The following FBF1 variants were observed in gnomAD, a reference collection of about 807,000 sequenced individuals.
The protein encoded by FBF1 is Fas binding factor 1, also known as fas-binding factor 1.
In FBF1, 119 loss-of-function variants were observed where a neutral mutation model predicts 147.2. The ratio of observed to expected loss-of-function variants is 0.81; its 90% CI spans 0.70 to 0.94. The LOEUF (loss-of-function observed/expected upper bound fraction) is 0.94. FBF1 is among the 40% of genes least tolerant of loss of function. The pLI is 0.00. For synonymous variants in FBF1, 601 were observed against 609.0 expected (o/e 0.99, Z 0.19); for missense variants, 1,449 against 1,500.8 (o/e 0.97, Z 0.57).
At chr17:75,929,964 C>CCCAAAAA in intron 7 of FBF1, 33 bp downstream of exon 7, 1 of 1,402,202 alleles carries the variant, frequency 7.1e-7, no homozygotes, top group Non-Finnish European at 9.9e-7. Flanking sequence ...CACCCACCCC[C>CCCAAAAA]AGTTCTAAGA....
In FBF1 at chr17:75,910,572, G is replaced by T. The variant is rs2065450913; in HGVS notation, c.*151C>A. 1 of 664,582 alleles carries T rather than the reference G, an allele frequency of 1.5e-6. No individual in the cohort carries two copies. Among genetic ancestry groups the T allele is most frequent in the Non-Finnish European group, 2.6e-6 (1 of 390,306 alleles). 41.2% of individuals were successfully genotyped at this position (664,582 alleles called of 1,614,324 possible). ...TGCCCCGGGCTGGCACATTTGGAAA[G>T]GATGCACTTGCACCCTGTCCACGGA... On this transcript the variant is annotated 3_prime_UTR_variant, in exon 30 of 30. Transcript: ENST00000636174. This position sits in a 1 kb window ranked among gnomAD's most constrained non-coding sequence, Gnocchi z 4.1.
Position 75,918,500 on chromosome 17 carries a change from G to A in FBF1, c.2139-231C>T, listed in dbSNP as rs2065503239. ...TTCAGCTTTTCTTTTTTTGGAGATG[G>A]AGTTTTGCTCTGTCACCCAGAGTCT... is the stretch of plus-strand genomic sequence containing the variant. On this transcript the variant is annotated intron_variant, in intron 20 of 29. Coordinates refer to ENST00000636174, the MANE Select transcript of FBF1 (RefSeq NM_001319193.2). The surrounding 1 kb of genome is among the most constrained non-coding windows in gnomAD (Gnocchi z 5.8). Among the ~76,000 whole-genome samples, 2 of 152,104 alleles carry A rather than the reference G, an allele frequency of 1.3e-5. No homozygotes were observed. Among genetic ancestry groups the A allele is most frequent in the African/African-American group, 4.8e-5 (2 of 41,414 alleles).
At position 75,927,135 on chromosome 17, in the gene FBF1, C is replaced by T. The variant is rs139723354; in HGVS notation, c.476-258G>A. The stretch of plus-strand genomic sequence containing the variant: ...CTTGCCGGTGGGGCCTCTGACTCTG[C>T]AGGCTGCATGGCCTTCTGGAAATGT... On this transcript the variant is annotated intron_variant, in intron 9 of 29. Coordinates refer to ENST00000636174, the MANE Select transcript of FBF1 (RefSeq NM_001319193.2). Among the ~76,000 whole-genome samples, 315 of 152,332 alleles carry T rather than the reference C, an allele frequency of 2.1e-3. 5 individuals carry two copies. Among genetic ancestry groups the T allele is most frequent in the African/African-American group, 7.2e-3 (299 of 41,592 alleles).
At chr17:75,912,376 C>T (rs1168559159) in intron 28 of FBF1, 69 bp from the exon 29 acceptor site, 10 of 1,210,656 alleles carry the variant, frequency 8.3e-6, no homozygotes, top group Non-Finnish European at 1.1e-5. Flanking sequence ...ACAGCTTGTT[C>T]CTGCAGAGCT....
At chr17:75,920,844 G>C (rs1029858929) in intron 17 of FBF1, among the ~76,000 whole-genome samples, 5 of 138,404 alleles carry the variant, frequency 3.6e-5, no homozygotes, top group East Asian at 4.1e-4. Flanking sequence ...GGGGGGGGGG[G>C]CACACCTCCC....
At position 75,928,076 on chromosome 17, in the gene FBF1, C is replaced by T; in HGVS notation, c.397G>A (p.Gly133Arg). 5.6e-6 allele frequency: 9 copies of T among 1,613,130 alleles called. No individual in the cohort carries two copies. The highest frequency in any genetic ancestry group is 7.6e-6 in the Non-Finnish European group (9 of 1,179,720). ...CCTTTCTCACTGGCTACTGACCCAC[C>T]TGCAGGCTTGGGGTGGTTGGGCAGC... is the stretch of plus-strand genomic sequence containing the variant. Reference protein sequence around the residue: ...GELPNHPKPAGGAIPTKKSLP... With the variant: ...GELPNHPKPARGAIPTKKSLP... The change falls in exon 8 of 30, where the codon GGG becomes AGG. Residue 133 changes from glycine (G) to arginine (R), a missense_variant and splice_region_variant. Physicochemically the swap from Gly to Arg is moderately radical, Grantham distance 125. Coordinates refer to ENST00000636174, the MANE Select transcript of FBF1 (RefSeq NM_001319193.2). This position sits in a 1 kb window ranked among gnomAD's most constrained non-coding sequence, Gnocchi z 4.2.
intron 4 of FBF1, among the ~76,000 whole-genome samples, chr17:75,934,032 C>T (rs949451449): frequency 6.6e-6 from 1 of 152,140 alleles, no homozygotes; most frequent in Non-Finnish European, 1.5e-5. Context: ...ACCATATGGT[C>T]CAGGAATTCC....
At position 75,913,829 on chromosome 17, in the gene FBF1, T is replaced by C. The variant is rs1258940024; in HGVS notation, c.3130-10A>G. 1.9e-6 allele frequency: 3 copies of C among 1,593,982 alleles called. No individual in the cohort carries two copies. The highest frequency in any genetic ancestry group is 2.7e-5 in the African/African-American group (2 of 74,640). Reference sequence around the variant, plus strand: ...CCAGACTCAGATGCTCCTGTCCCCGTTCCCCCAGAAAGAAGGACTCAGCTG... The same window carrying C: ...CCAGACTCAGATGCTCCTGTCCCCGCTCCCCCAGAAAGAAGGACTCAGCTG... On this transcript the variant is annotated splice_polypyrimidine_tract_variant and intron_variant, in intron 27 of 29. Coordinates refer to ENST00000636174, the MANE Select transcript of FBF1 (RefSeq NM_001319193.2).
intron 29 of FBF1, 141 bp downstream of exon 29, chr17:75,912,051 G>T: frequency 2.7e-6 from 2 of 746,632 alleles, no homozygotes; most frequent in Non-Finnish European, 4.5e-6. Flanking sequence ...TCTGAGCATT[G>T]GCTCACTAAG....
chr17:75,937,714 C>T lies in FBF1; in HGVS notation c.4-121G>A, dbSNP rs1033135209. 6 of 996,700 alleles carry T rather than the reference C, an allele frequency of 6.0e-6. No homozygotes were observed. The South Asian group carries it at 8.0e-5, about 13-fold the overall frequency. 61.7% of individuals were successfully genotyped at this position (996,700 alleles called of 1,614,324 possible). A position where few individuals can be genotyped will look rare whatever the true frequency, so the allele number is the denominator to read the frequency against. On this transcript the variant is annotated intron_variant, in intron 2 of 29. Coordinates refer to ENST00000636174, the MANE Select transcript of FBF1 (RefSeq NM_001319193.2). ...TAACCAGAGGCAAGAGCACCAATGGCATTTAGAGATGTAAGTCCTTTATGT... is the reference window on the plus strand; with the variant it reads ...TAACCAGAGGCAAGAGCACCAATGGTATTTAGAGATGTAAGTCCTTTATGT...
chr17:75,930,138 A>G, intron 6 of FBF1, 91 bp from the exon 7 acceptor site: 2 of 1,005,486 alleles, frequency 2.0e-6, no homozygotes, highest in East Asian at 2.6e-5. Context: ...TGCTTCTGTT[A>G]GGGCAGACGG....
rs2065573702 is a variant in FBF1, at chr17:75,928,160, G to C, written c.313C>G (p.Leu105Val). The part of the protein sequence containing the change: ...LDGMDADILG[L>V]KKSNSAPSKK... ...CTAGGGGCTGAATTAGATTTCTTCA[G>C]ACCTAAGATATCAGCATCCATGCCG... The change falls in exon 8 of 30, where the codon CTG becomes GTG. Residue 105 changes from leucine (L) to valine (V), a missense_variant. By Grantham distance (32) the Leu-to-Val change is conservative. Transcript: ENST00000636174. The surrounding 1 kb of genome is among the most constrained non-coding windows in gnomAD (Gnocchi z 4.2). The C allele has an allele frequency of 1.2e-6, 2 of 1,613,846 alleles. No individual in the cohort carries two copies. The highest frequency in any genetic ancestry group is 2.2e-5 in the South Asian group (2 of 91,084).
At position 75,918,707 on chromosome 17, in the gene FBF1, GTC is replaced by G. The variant is rs2065504738; in HGVS notation, c.2139-440_2139-439del. On this transcript the variant is annotated intron_variant, in intron 20 of 29. Coordinates refer to ENST00000636174, the MANE Select transcript of FBF1 (RefSeq NM_001319193.2). The surrounding 1 kb of genome is among the most constrained non-coding windows in gnomAD (Gnocchi z 5.8). ...GGTTTCCACCGTGTTGCCCAGGCTG[GTC>G]TCGAACTTCTGAGCTCAGGCAATCT... Among the ~76,000 whole-genome samples, 1 of 151,988 alleles carries G rather than the reference GTC, an allele frequency of 6.6e-6. No individual in the cohort carries two copies. The highest frequency in any genetic ancestry group is 2.1e-4 in the South Asian group (1 of 4,814).
intron 11 of FBF1, 60 bp from the exon 12 acceptor site, chr17:75,926,223 A>G: frequency 1.2e-6 from 2 of 1,605,774 alleles, no homozygotes; most frequent in Non-Finnish European, 1.7e-6. Flanking sequence ...GGAATCCCAC[A>G]GTACCCGTCC....
chr17:75,913,237 T>G (rs2144150109), intron 28 of FBF1, among the ~76,000 whole-genome samples: 1 of 149,576 alleles, frequency 6.7e-6, no homozygotes, highest in South Asian at 2.2e-4. Flanking sequence ...CAACCTCCAC[T>G]TCTCGGGTTC....
Position 75,923,778 on chromosome 17 carries a change from C to T in FBF1, c.969-137G>A. 3.5e-6 allele frequency: 3 copies of T among 858,356 alleles called. No individual in the cohort carries two copies. The highest frequency in any genetic ancestry group is 1.8e-5 in the South Asian group (1 of 55,770). 53.2% of individuals were successfully genotyped at this position (858,356 alleles called of 1,614,324 possible). ...GGCCCAGTGAGCAGTGGCTCCTGGACCGGCTCAGGTGGCAGGCCACGTGCT... is the reference window on the plus strand; with the variant it reads ...GGCCCAGTGAGCAGTGGCTCCTGGATCGGCTCAGGTGGCAGGCCACGTGCT... On this transcript the variant is annotated intron_variant, in intron 13 of 29. Transcript: ENST00000636174. The surrounding 1 kb of genome is among the most constrained non-coding windows in gnomAD (Gnocchi z 4.1).
At position 75,935,672 on chromosome 17, in the gene FBF1, G is replaced by T. The variant is rs1484152393; in HGVS notation, c.33C>A (p.Gly11=). The part of the protein sequence containing the change: MAPKTKKGCK[G]SIDDFLGDLL... ...GGTCACCAAGAAAATCATCAATGGA[G>T]CCTGGAACAGAAAAGGGACTGTCAT... The change falls in exon 4 of 30, where the codon GGC becomes GGA. Residue 11 remains glycine (G), a splice_region_variant and synonymous_variant. Transcript: ENST00000636174. The T allele has an allele frequency of 6.5e-7, 1 of 1,537,000 alleles. No homozygotes were observed. Among genetic ancestry groups the T allele is most frequent in the Non-Finnish European group, 8.7e-7 (1 of 1,146,812 alleles).
chr17:75,938,348 G>T, intron 1 of FBF1, 116 bp from the exon 2 acceptor site: 1 of 714,848 alleles, frequency 1.4e-6, no homozygotes, highest in Non-Finnish European at 2.3e-6. Context: ...ATCACCTGAG[G>T]TCAGGAATTC....
intron 23 of FBF1, among the ~76,000 whole-genome samples, chr17:75,917,446 G>A (rs1266125134): frequency 1.3e-5 from 2 of 152,238 alleles, no homozygotes; most frequent in African/African-American, 2.4e-5. Context: ...TGCAGCTGAT[G>A]GTTGCGGGGG....
Sources: allele counts gnomAD v4.1 joint callset (sites outside exome capture counted in the v4.1 genomes callset), GRCh38; gene constraint gnomAD v4.1.1; non-coding constraint Gnocchi (gnomAD v3.1); transcripts MANE v1.5; gene names NCBI Gene and HGNC (gene_info 2026-07-23, HGNC 2026-07-21).